Variants in MATCAP2 observed in about 807,000 individuals in gnomAD.
The protein encoded by MATCAP2 is putative tyrosine carboxypeptidase MATCAP2.
chr7:36,342,938 T>G, the MATCAP2 span, among the ~76,000 whole-genome samples: 2 of 152,144 alleles, frequency 1.3e-5, no homozygotes, highest in East Asian at 3.9e-4. Flanking sequence ...AGATGAGTAA[T>G]TTTTACAAAG....
chr7:36,334,140 A>G, the MATCAP2 span: 4 of 1,612,590 alleles, frequency 2.5e-6, no homozygotes, highest in Non-Finnish European at 2.5e-6. Context: ...GAGGTTGTTA[A>G]TACCTCGAAA....
the MATCAP2 span, among the ~76,000 whole-genome samples, chr7:36,367,556 C>A: frequency 6.6e-6 from 1 of 152,166 alleles, no homozygotes; most frequent in Non-Finnish European, 1.5e-5. Flanking sequence ...CTTCCCCTTA[C>A]GAGGTGCGGG....
chr7:36,344,976 C>T, the MATCAP2 span, among the ~76,000 whole-genome samples: 4 of 152,164 alleles, frequency 2.6e-5, no homozygotes, highest in Non-Finnish European at 4.4e-5. Context: ...TCTTAATGTA[C>T]ACACACCTAT....
chr7:36,365,613 C>T, the MATCAP2 span, among the ~76,000 whole-genome samples: 5 of 152,130 alleles, frequency 3.3e-5, no homozygotes, highest in African/African-American at 1.2e-4. Context: ...GCAGGAGAAT[C>T]GCTTGAACCT....
At chr7:36,353,103 C>A in the MATCAP2 span, among the ~76,000 whole-genome samples, 1 of 152,048 alleles carries the variant, frequency 6.6e-6, no homozygotes, top group African/African-American at 2.4e-5. Flanking sequence ...ACCCCCCCAC[C>A]TATCCAAAAA....
At chr7:36,357,460 A>G in the MATCAP2 span, 2 of 1,614,140 alleles carry the variant, frequency 1.2e-6, no homozygotes. Context: ...TACTGGTTCC[A>G]GTTGTGAAAA....
the MATCAP2 span, chr7:36,356,600 T>C: frequency 7.5e-6 from 4 of 530,022 alleles, no homozygotes; most frequent in Admixed American, 6.8e-5. Context: ...GGCGGCTAAA[T>C]TGGCCACAAG....
the MATCAP2 span, chr7:36,366,787 A>T: frequency 6.5e-7 from 1 of 1,534,222 alleles, no homozygotes; most frequent in Non-Finnish European, 8.7e-7. Context: ...CGCGCCCCGA[A>T]GGGGTCGGGG....
chr7:36,374,167 C>G, the MATCAP2 span, among the ~76,000 whole-genome samples: 2 of 152,044 alleles, frequency 1.3e-5, no homozygotes, highest in Non-Finnish European at 2.9e-5. Context: ...CAGCCTCCAC[C>G]TACTGGGCTG....
At chr7:36,356,693 T>G in the MATCAP2 span, 1 of 606,058 alleles carries the variant, frequency 1.7e-6, no homozygotes, top group Admixed American at 2.9e-5. Context: ...AAAGAGCCTA[T>G]ATAACAGATT....
At chr7:36,343,582 GA>G in the MATCAP2 span, among the ~76,000 whole-genome samples, 2 of 91,768 alleles carry the variant, frequency 2.2e-5, no homozygotes, top group African/African-American at 4.3e-5. Flanking sequence ...GAGGGAGAGG[GA>G]GAGGGGAGGT....
the MATCAP2 span, among the ~76,000 whole-genome samples, chr7:36,331,760 C>A: frequency 6.6e-6 from 1 of 152,098 alleles, no homozygotes; most frequent in Non-Finnish European, 1.5e-5. Flanking sequence ...CACAGTGAAC[C>A]TTTTTCCCAT....
chr7:36,367,106 C>A, the MATCAP2 span: 15 of 1,238,442 alleles, frequency 1.2e-5, no homozygotes, highest in Non-Finnish European at 1.4e-5. Flanking sequence ...CGGACGAAGA[C>A]GTACCGACAC....
At chr7:36,384,219 T>A in the MATCAP2 span, among the ~76,000 whole-genome samples, 33 of 152,260 alleles carry the variant, frequency 2.2e-4, no homozygotes, top group South Asian at 6.2e-4. Context: ...AAAGAACAGG[T>A]CTTGGAGCAA....
the MATCAP2 span, among the ~76,000 whole-genome samples, chr7:36,381,757 C>T: frequency 3.3e-5 from 5 of 151,594 alleles, no homozygotes; most frequent in African/African-American, 9.7e-5. Flanking sequence ...CTATTAAGTG[C>T]CAGGCATGAA....
chr7:36,367,039 G>A, the MATCAP2 span: 2 of 1,276,864 alleles, frequency 1.6e-6, no homozygotes, highest in Non-Finnish European at 2.0e-6. Flanking sequence ...CCTCGGTGGC[G>A]GGGGCGCGGC....
the MATCAP2 span, among the ~76,000 whole-genome samples, chr7:36,360,376 A>C: frequency 6.6e-6 from 1 of 152,192 alleles, no homozygotes; most frequent in Admixed American, 6.5e-5. Context: ...GCGGGGTGAC[A>C]GTATATGCCT....
chr7:36,369,857 T>A, the MATCAP2 span, among the ~76,000 whole-genome samples: 2 of 152,188 alleles, frequency 1.3e-5, no homozygotes, highest in South Asian at 4.1e-4. Context: ...CAATTAAGAA[T>A]TCCAAAAATA....
the MATCAP2 span, among the ~76,000 whole-genome samples, chr7:36,340,706 C>G: frequency 4.6e-5 from 7 of 152,174 alleles, no homozygotes; most frequent in South Asian, 4.1e-4. Context: ...GTAACCTCCC[C>G]CCATCTGCAT....
Sources: gnomAD v4.1 joint callset for allele counts (sites outside exome capture counted in the v4.1 genomes callset) on GRCh38, gnomAD v4.1.1 for gene constraint, MANE v1.5 for transcripts, NCBI Gene and HGNC (gene_info 2026-07-23, HGNC 2026-07-21) for gene names.